CERS4: variants seen among roughly 807,000 people sequenced by gnomAD.
CERS4 encodes LAG1 homolog, ceramide synthase 4.
CERS4 carries 65 observed loss-of-function variants against 51.8 expected under a neutral mutation model. The observed-to-expected ratio is 1.26, with a 90% CI of 1.03 to 1.54. CERS4 has a LOEUF of 1.54. Ranked by LOEUF, CERS4 falls within the 40% of genes most tolerant of loss-of-function variation. The pLI, the probability that CERS4 is intolerant of heterozygous loss-of-function variation, is 0.00. For synonymous variants in CERS4, 228 were observed against 208.4 expected, an observed-to-expected ratio of 1.09 and a Z score of -0.81; for missense variants, 563 against 500.4, an observed-to-expected ratio of 1.13 and a Z score of -1.19.
At chr19:8,257,849 G>GT in intron 9 of CERS4, 30 bp from the exon 10 acceptor site, 1 of 1,571,806 alleles carries the variant, frequency 6.4e-7, no homozygotes, top group Non-Finnish European at 8.8e-7. Context: ...CCCTGGTCCT[G>GT]AGCCCATTTC....
chr19:8,211,102 A>G (rs1287650046), intron 2 of CERS4, among the ~76,000 whole-genome samples: 1 of 152,038 alleles, frequency 6.6e-6, no homozygotes, highest in Non-Finnish European at 1.5e-5. Context: ...AGGGGGATGT[A>G]TGGGCTTCCA....
rs1487695092 is a variant in CERS4, at chr19:8,249,160, ATGGATGATGGGTGGG to A, written c.-1-1911_-1-1897del. Among the ~76,000 whole-genome samples the A allele has an allele frequency of 1.2e-3, 172 of 145,300 alleles. 1 individual carries two copies. Among genetic ancestry groups the A allele is most frequent in the African/African-American group, 4.1e-3 (162 of 39,650 alleles). On this transcript the variant is annotated intron_variant, in intron 2 of 11. Transcript: ENST00000251363. ...GGTGGACAGATGTTTGGATGGGTGG[ATGGATGATGGGTGGG>A]TGGACAGATGTTTGGATGGGTGGAT...
chr19:8,231,059 G>A (rs1331876544), intron 2 of CERS4, among the ~76,000 whole-genome samples: 3 of 152,046 alleles, frequency 2.0e-5, no homozygotes, highest in African/African-American at 7.2e-5. Flanking sequence ...AGCTGCTCTT[G>A]AACCCCTGAA....
chr19:8,251,275 A>G (rs1969064395), intron 3 of CERS4, 26 bp downstream of exon 3: 1 of 1,555,444 alleles, frequency 6.4e-7, no homozygotes, highest in South Asian at 1.2e-5. Context: ...GCCGCAATCC[A>G]TTGCCCCCGC....
intron 2 of CERS4, chr19:8,241,423 T>A (rs1245432171): frequency 6.6e-6 from 1 of 152,238 alleles, no homozygotes; most frequent in Non-Finnish European, 1.5e-5. Flanking sequence ...CAACCAGTCC[T>A]CTCACCTCAG....
chr19:8,209,557 C>A (rs1049970151), intron 1 of CERS4, 63 bp downstream of exon 1: 1 of 152,198 alleles, frequency 6.6e-6, no homozygotes, highest in Non-Finnish European at 1.5e-5. Flanking sequence ...GGTCCCCGGC[C>A]CCGCCTCCGC....
intron 2 of CERS4, chr19:8,250,847 C>T (rs1447938572): frequency 2.3e-6 from 3 of 1,323,436 alleles, no homozygotes; most frequent in Non-Finnish European, 2.9e-6. Flanking sequence ...TAACACTGAC[C>T]AGGCAATGGA....
At chr19:8,235,007 C>A (rs372321307) in intron 2 of CERS4, among the ~76,000 whole-genome samples, 1 of 127,892 alleles carries the variant, frequency 7.8e-6, no homozygotes, top group Non-Finnish European at 1.6e-5. Flanking sequence ...TTCTTTCTTT[C>A]TTTCTTTTTT....
intron 3 of CERS4, among the ~76,000 whole-genome samples, chr19:8,254,267 G>A (rs905615915): frequency 7.4e-6 from 1 of 134,610 alleles, no homozygotes; most frequent in African/African-American, 2.7e-5. Flanking sequence ...AGCTTGCAGT[G>A]AGCCAAGATC....
In CERS4 at chr19:8,257,881, C is replaced by T; in HGVS notation, c.744C>T (p.Ala248=). The T allele has an allele frequency of 6.2e-7, 1 of 1,613,360 alleles. No homozygotes were observed. Residue 248 remains alanine (A), a splice_region_variant and synonymous_variant, in exon 10 of 12, where the codon GCC becomes GCT. Transcript: ENST00000251363. The stretch of plus-strand genomic sequence containing the variant: ...TTTCTCCCTGCTGCCCTTTCCAGGC[C>T]TGTAAGATGGTCAACTACATGCAGT... ...LHDSSDYLLE[A]CKMVNYMQYQ... is the part of the protein sequence containing the mutation.
intron 2 of CERS4, among the ~76,000 whole-genome samples, chr19:8,221,865 T>G (rs1267168777): frequency 8.1e-6 from 1 of 123,240 alleles, no homozygotes; most frequent in Non-Finnish European, 1.6e-5. Flanking sequence ...CTTATTTATT[T>G]TTTTATGTTT....
intron 2 of CERS4, 185 bp from the exon 3 acceptor site, chr19:8,250,891 T>C (rs1969042831): frequency 7.0e-7 from 1 of 1,425,322 alleles, no homozygotes; most frequent in East Asian, 2.6e-5. Context: ...GTGGCTCTTC[T>C]GGGACCAGAG....
At chr19:8,233,044 T>C (rs1968084701) in intron 2 of CERS4, among the ~76,000 whole-genome samples, 1 of 150,942 alleles carries the variant, frequency 6.6e-6, no homozygotes, top group South Asian at 2.1e-4. Flanking sequence ...AGCCTGAATC[T>C]TTTTATTTTA....
At chr19:8,257,855 A>G (rs2145329732) in intron 9 of CERS4, 24 bp from the exon 10 acceptor site, 3 of 1,596,354 alleles carry the variant, frequency 1.9e-6, no homozygotes, top group East Asian at 2.2e-5. Context: ...TCCTGAGCCC[A>G]TTTCTCCCTG....
rs377703774 is a variant in CERS4, at chr19:8,262,136, G to GCC, written c.*33_*34dup. On this transcript the variant is annotated 3_prime_UTR_variant, in exon 12 of 12. Transcript: ENST00000251363. ...CGGGCGGGGCTGGCTGTAAGGGGTTGCCCCCCCGCCAGTGCCTTGGATATT... is the reference window on the plus strand; with the variant it reads ...CGGGCGGGGCTGGCTGTAAGGGGTTGCCCCCCCCCGCCAGTGCCTTGGATATT... 1.9e-5 allele frequency: 27 copies of GCC among 1,428,262 alleles called. No homozygotes were observed. The highest frequency in any genetic ancestry group is 1.8e-5 in the Non-Finnish European group (20 of 1,093,916). 88.5% of individuals were successfully genotyped at this position (1,428,262 alleles called of 1,614,324 possible). A position where few individuals can be genotyped will look rare whatever the true frequency, so the allele number is the denominator to read the frequency against.
chr19:8,249,382 G>A (rs554466716), intron 2 of CERS4, among the ~76,000 whole-genome samples: 3 of 152,118 alleles, frequency 2.0e-5, no homozygotes, highest in Non-Finnish European at 4.4e-5. Context: ...GAAGGGAGCA[G>A]CTCTTTGGGC....
At position 8,261,449 on chromosome 19, in the gene CERS4, G is replaced by A. The variant is rs1969697401; in HGVS notation, c.849-239G>A. On this transcript the variant is annotated intron_variant, in intron 10 of 11. Coordinates refer to ENST00000251363, the MANE Select transcript of CERS4 (RefSeq NM_024552.3). Reference sequence around the variant, plus strand: ...TGAGTTCATAAGTACCCGCTTGGGTGGGGTTCATAGTCATGAATGGCCAGT... The same window carrying A: ...TGAGTTCATAAGTACCCGCTTGGGTAGGGTTCATAGTCATGAATGGCCAGT... The A allele has an allele frequency of 2.2e-5, 12 of 549,188 alleles. No individual in the cohort carries two copies. The East Asian group carries it at 3.3e-4, about 15-fold the overall frequency. 34.0% of individuals were successfully genotyped at this position (549,188 alleles called of 1,614,324 possible). A position where few individuals can be genotyped will look rare whatever the true frequency, so the allele number is the denominator to read the frequency against.
intron 7 of CERS4, 152 bp downstream of exon 7, chr19:8,256,438 C>T: frequency 2.1e-6 from 2 of 946,250 alleles, no homozygotes; most frequent in East Asian, 2.7e-5. Flanking sequence ...AGAGAGGGGC[C>T]AGAAAACCAA....
At chr19:8,234,167 A>T (rs993189494) in intron 2 of CERS4, among the ~76,000 whole-genome samples, 1 of 152,114 alleles carries the variant, frequency 6.6e-6, no homozygotes, top group Non-Finnish European at 1.5e-5. Flanking sequence ...TTAGCCGGGC[A>T]TGGTGGCAGG....
Sources: gnomAD v4.1 joint callset for allele counts (sites outside exome capture counted in the v4.1 genomes callset) on GRCh38, gnomAD v4.1.1 for gene constraint, MANE v1.5 for transcripts, NCBI Gene and HGNC (gene_info 2026-07-23, HGNC 2026-07-21) for gene names.